The following PRKCB variants were observed in gnomAD, a reference collection of about 807,000 sequenced individuals.
PRKCB encodes protein kinase C beta.
In PRKCB, 13 loss-of-function variants were observed where a neutral mutation model predicts 81.5. The observed-to-expected ratio is 0.16, with a 90% CI of 0.10 to 0.25. The LOEUF is 0.25. PRKCB is among the 10% of genes least tolerant of loss of function. The pLI, the probability that PRKCB is intolerant of heterozygous loss-of-function variation, is 1.00. For synonymous variants in PRKCB, 335 were observed against 321.4 expected, an observed-to-expected ratio of 1.04 and a Z score of -0.45; for missense variants, 509 against 875.7, an observed-to-expected ratio of 0.58 and a Z score of 5.29.
At chr16:23,886,759 T>G (rs1256158423) in intron 2 of PRKCB, among the ~76,000 whole-genome samples, 1 of 152,142 alleles carries the variant, frequency 6.6e-6, no homozygotes, top group Non-Finnish European at 1.5e-5. Flanking sequence ...GGGCTCAGTA[T>G]GGGCCTATCA....
intron 3 of PRKCB, among the ~76,000 whole-genome samples, chr16:24,013,787 A>G (rs543267463): frequency 6.6e-6 from 1 of 151,720 alleles, no homozygotes; most frequent in African/African-American, 2.4e-5. Context: ...ATTGCAAAAA[A>G]AAAAAAAAAG....
At chr16:23,929,441 T>G (rs1252926351) in intron 2 of PRKCB, among the ~76,000 whole-genome samples, 2 of 152,140 alleles carry the variant, frequency 1.3e-5, no homozygotes, top group African/African-American at 4.8e-5. Flanking sequence ...TTAACCTCTC[T>G]GAGCCTCAGT....
intron 2 of PRKCB, among the ~76,000 whole-genome samples, chr16:23,848,589 A>T (rs1244146358): frequency 6.6e-6 from 1 of 152,132 alleles, no homozygotes; most frequent in African/African-American, 2.4e-5. Context: ...TCTGAAAGGC[A>T]TCCTCCCACT....
chr16:24,033,962 A>G (rs1965581745), intron 4 of PRKCB, among the ~76,000 whole-genome samples: 1 of 152,118 alleles, frequency 6.6e-6, no homozygotes. Context: ...AGACAAGTGC[A>G]GAGAGTGGAA....
At chr16:24,144,367 C>G (rs1461234806) in intron 9 of PRKCB, among the ~76,000 whole-genome samples, 1 of 152,268 alleles carries the variant, frequency 6.6e-6, no homozygotes, top group Admixed American at 6.5e-5. Context: ...GATGATCTCT[C>G]GGCTCACTGC....
At chr16:23,959,666 C>T (rs1964397281) in intron 2 of PRKCB, among the ~76,000 whole-genome samples, 1 of 152,174 alleles carries the variant, frequency 6.6e-6, no homozygotes, top group Non-Finnish European at 1.5e-5. Context: ...GGTACTGCCT[C>T]AAATGAGCAG....
At position 24,180,920 on chromosome 16, in the gene PRKCB, G is replaced by C; in HGVS notation, c.1525G>C (p.Ala509Pro). 1 of 1,613,954 alleles carries C rather than the reference G, an allele frequency of 6.2e-7. No individual in the cohort carries two copies. Among genetic ancestry groups the C allele is most frequent in the Non-Finnish European group, 8.5e-7 (1 of 1,179,934 alleles). The stretch of plus-strand genomic sequence containing the variant: ...ATTCTGTGGCACTCCAGACTACATC[G>C]CCCCCGAGGTGAGAGCTGCTGGGCA... ...KTFCGTPDYI[A>P]PEIIAYQPYG... The change falls in exon 13 of 17, where the codon GCC becomes CCC. Residue 509 changes from alanine to proline, a missense_variant. Ala to Pro is a conservative substitution (Grantham distance 27, BLOSUM62 -1). Around this residue, in one of 6 missense-constraint regions of PRKCB, gnomAD observed 106 missense variants for 214.0 expected, o/e 0.50. Coordinates refer to ENST00000643927, the MANE Select transcript of PRKCB (RefSeq NM_002738.7).
At chr16:23,896,921 C>T (rs1027009882) in intron 2 of PRKCB, among the ~76,000 whole-genome samples, 1 of 151,866 alleles carries the variant, frequency 6.6e-6, no homozygotes, top group Non-Finnish European at 1.5e-5. Context: ...TCCATCCATC[C>T]ATCCACTCAT....
At position 23,961,463 on chromosome 16, in the gene PRKCB, A is replaced by G. The variant is rs533023490; in HGVS notation, c.206-27045A>G. Among the ~76,000 whole-genome samples the G allele has an allele frequency of 2.0e-5, 3 of 152,342 alleles. No individual in the cohort carries two copies. In the South Asian group the frequency reaches 6.2e-4, roughly 32 times the overall value. On this transcript the variant is annotated intron_variant, in intron 2 of 16. Transcript: ENST00000643927. ...TTCTCAGGCATGTGCTTGACTAATG[A>G]GGCAACAACAACTTGCAGGTCCAAT...
intron 5 of PRKCB, among the ~76,000 whole-genome samples, chr16:24,063,071 T>C (rs1965992674): frequency 6.6e-6 from 1 of 152,102 alleles, no homozygotes; most frequent in African/African-American, 2.4e-5. Context: ...AGGCCCCTTC[T>C]CTGTGTCTCC....
intron 16 of PRKCB, among the ~76,000 whole-genome samples, chr16:24,197,970 T>C (rs1341158385): frequency 2.0e-5 from 3 of 152,196 alleles, no homozygotes; most frequent in Admixed American, 1.3e-4. Context: ...TTGCAGGGCA[T>C]AGAGCAGGAG....
chr16:24,012,747 A>G (rs1183790253), intron 3 of PRKCB, among the ~76,000 whole-genome samples: 1 of 152,200 alleles, frequency 6.6e-6, no homozygotes, highest in Non-Finnish European at 1.5e-5. Flanking sequence ...TCATCCTCAC[A>G]AGAGTCCCTG....
intron 11 of PRKCB, 111 bp from the exon 12 acceptor site, chr16:24,174,407 G>A: frequency 1.1e-6 from 1 of 928,076 alleles, no homozygotes; most frequent in Non-Finnish European, 1.7e-6. Flanking sequence ...GACCATCCAT[G>A]GGTTCTTTAA....
chr16:23,869,307 A>G (rs1315939865), intron 2 of PRKCB: 9 of 325,418 alleles, frequency 2.8e-5, no homozygotes, highest in Non-Finnish European at 5.0e-5. Context: ...AGACACAGGA[A>G]GTAGAATCAC....
At position 24,195,552 on chromosome 16, in the gene PRKCB, CTT is replaced by C. The variant is rs576588319; in HGVS notation, c.1863+4324_1863+4325del. On this transcript the variant is annotated intron_variant, in intron 16 of 16. Transcript: ENST00000643927. ...TATTATTGGAGGTTCATTAAAATAA[CTT>C]TAAATGGGTTTTTCTAAGTTGTTCT... Among the ~76,000 whole-genome samples the C allele has an allele frequency of 7.9e-5, 12 of 152,292 alleles. No homozygotes were observed. In the East Asian group the frequency reaches 2.3e-3, roughly 29 times the overall value.
Position 24,217,652 on chromosome 16 carries a change from A to T in PRKCB, c.*2836A>T. 1 of 985,540 alleles carries T rather than the reference A, an allele frequency of 1.0e-6. No individual in the cohort carries two copies. Among genetic ancestry groups the T allele is most frequent in the East Asian group, 1.1e-4 (1 of 8,820 alleles). 61.0% of individuals were successfully genotyped at this position (985,540 alleles called of 1,614,324 possible). ...GTGGTTATCTGAAGCATTAGCCATC[A>T]CCAGCACAACAAACGGGGCAGGGCT... On this transcript the variant is annotated 3_prime_UTR_variant, in exon 17 of 17. Transcript: ENST00000643927.
intron 4 of PRKCB, among the ~76,000 whole-genome samples, chr16:24,032,488 A>C (rs1284004333): frequency 6.6e-6 from 1 of 152,220 alleles, no homozygotes; most frequent in Non-Finnish European, 1.5e-5. Flanking sequence ...GGCTGGCCTC[A>C]GCTGATGTCA....
At chr16:24,110,118 G>T (rs1596552259) in intron 7 of PRKCB, among the ~76,000 whole-genome samples, 1 of 104,056 alleles carries the variant, frequency 9.6e-6, no homozygotes, top group African/African-American at 4.9e-5. Flanking sequence ...GTGGGGAGAG[G>T]GAGAGGGAGA....
chr16:23,988,911 T>G (rs1174355480), intron 3 of PRKCB, among the ~76,000 whole-genome samples: 2 of 152,114 alleles, frequency 1.3e-5, no homozygotes, highest in African/African-American at 4.8e-5. Context: ...TACTTTGCAG[T>G]GCACGTTATG....
Sources: gnomAD v4.1 joint callset for allele counts (sites outside exome capture counted in the v4.1 genomes callset) on GRCh38, gnomAD v4.1.1 for gene constraint, gnomAD v4.1.1 regional missense constraint, MANE v1.5 for transcripts, NCBI Gene and HGNC (gene_info 2026-07-23, HGNC 2026-07-21) for gene names.